CLTB: variants seen among roughly 807,000 people sequenced by gnomAD.
The protein encoded by CLTB is clathrin, light chain (Lcb).
A neutral mutation model predicts 30.5 loss-of-function variants in CLTB; 10 were observed. That is an observed-to-expected ratio of 0.33 (90% CI 0.20 to 0.56). The LOEUF (loss-of-function observed/expected upper bound fraction) is 0.56, where lower values mean the gene tolerates loss of function less well. Ranked by LOEUF, CLTB falls within the 20% of genes least tolerant of loss-of-function variation. CLTB has a pLI of 0.91. For synonymous variants in CLTB, 102 were observed against 120.3 expected (o/e 0.85, Z 1.00); for missense variants, 261 against 308.3 (o/e 0.85, Z 1.15).
chr5:176,402,025 G>A (rs953921480), intron 2 of CLTB, among the ~76,000 whole-genome samples: 2 of 152,158 alleles, frequency 1.3e-5, no homozygotes, highest in Admixed American at 6.5e-5. Flanking sequence ...AAAGGCAGCC[G>A]GGCACGGTGG....
At chr5:176,403,049 A>AT (rs34807992) in intron 2 of CLTB, among the ~76,000 whole-genome samples, 31,646 of 138,000 alleles carry the variant, frequency 0.23, 4,206 homozygotes, top group African/African-American at 0.34. Flanking sequence ...GCCTGCCCTA[A>AT]TTTTTTTTTT....
chr5:176,410,401 C>A, intron 1 of CLTB, 98 bp from the exon 2 acceptor site: 1 of 920,244 alleles, frequency 1.1e-6, no homozygotes, highest in South Asian at 1.5e-5. Context: ...TCTGTGTATA[C>A]CCATGTATAT....
chr5:176,416,450 A>C lies in CLTB; in HGVS notation c.-87T>G, dbSNP rs905808152. 1.0e-5 allele frequency: 11 copies of C among 1,062,164 alleles called. No homozygotes were observed. Among genetic ancestry groups the C allele is most frequent in the African/African-American group, 8.7e-5 (2 of 22,870 alleles). 65.8% of individuals were successfully genotyped at this position (1,062,164 alleles called of 1,614,324 possible). A position where few individuals can be genotyped will look rare whatever the true frequency, so the allele number is the denominator to read the frequency against. ...TGCGTCCGGCGGCCGCGACGCTGTC[A>C]CCCGAGCCGCGGGGGAGCCGGCGTC... On this transcript the variant is annotated 5_prime_UTR_variant, in exon 1 of 6. Coordinates refer to ENST00000310418, the MANE Select transcript of CLTB (RefSeq NM_007097.5).
chr5:176,396,562 G>T, intron 4 of CLTB, 30 bp from the exon 5 acceptor site: 1 of 1,581,730 alleles, frequency 6.3e-7, no homozygotes. Context: ...GAAGGGGTTA[G>T]GTGGGGGAAG....
chr5:176,394,921 C>T (rs1756446390), intron 5 of CLTB, among the ~76,000 whole-genome samples: 1 of 152,312 alleles, frequency 6.6e-6, no homozygotes, highest in African/African-American at 2.4e-5. Context: ...ATCGAGCCCC[C>T]TGTGGTATTC....
At chr5:176,395,561 C>T (rs1161898484) in intron 5 of CLTB, among the ~76,000 whole-genome samples, 5 of 152,216 alleles carry the variant, frequency 3.3e-5, no homozygotes, top group African/African-American at 1.2e-4. Context: ...ACCTTCTCTT[C>T]AGCTCCACAA....
intron 2 of CLTB, among the ~76,000 whole-genome samples, chr5:176,400,808 C>T (rs1454053170): frequency 6.6e-6 from 1 of 152,210 alleles, no homozygotes; most frequent in African/African-American, 2.4e-5. Context: ...CGGCGCCCAC[C>T]TATCCTTAGT....
chr5:176,408,369 TACTAA>T (rs1757243695), intron 2 of CLTB, among the ~76,000 whole-genome samples: 1 of 151,910 alleles, frequency 6.6e-6, no homozygotes, highest in Non-Finnish European at 1.5e-5. Context: ...ACACCATCTC[TACTAA>T]AAATACAAAA....
chr5:176,394,252 G>A (rs1215121774), intron 5 of CLTB, among the ~76,000 whole-genome samples: 4 of 152,192 alleles, frequency 2.6e-5, no homozygotes, highest in South Asian at 4.1e-4. Context: ...AGCTCAAAGC[G>A]TCCATGGTCC....
chr5:176,415,228 C>T (rs1393010362), intron 1 of CLTB, among the ~76,000 whole-genome samples: 1 of 152,198 alleles, frequency 6.6e-6, no homozygotes, highest in Non-Finnish European at 1.5e-5. Context: ...CCCCGGACCA[C>T]CTTTGGAAAA....
intron 2 of CLTB, chr5:176,406,063 G>T: frequency 1.3e-6 from 1 of 744,124 alleles, no homozygotes; most frequent in Non-Finnish European, 1.6e-6. Context: ...CATTATTTCC[G>T]GGCTGCTCAG....
chr5:176,396,412 A>G, intron 5 of CLTB, 67 bp downstream of exon 5: 1 of 1,349,418 alleles, frequency 7.4e-7, no homozygotes. Context: ...CAAGCAGGAA[A>G]CTCAAGAAAC....
At chr5:176,409,111 G>A (rs1223096735) in intron 2 of CLTB, among the ~76,000 whole-genome samples, 1 of 152,000 alleles carries the variant, frequency 6.6e-6, no homozygotes, top group Non-Finnish European at 1.5e-5. Context: ...CAAGTAGTTA[G>A]GATTATAGGC....
rs1439606470 is a variant in CLTB at position 176,416,287 on chromosome 5, G to A, written c.77C>T (p.Ala26Val). 1 of 1,606,204 alleles carries A rather than the reference G, an allele frequency of 6.2e-7. No homozygotes were observed. The highest frequency in any genetic ancestry group is 1.1e-5 in the South Asian group (1 of 90,680). Residue 26 changes from alanine to valine, a missense_variant, in exon 1 of 6, where the codon GCC becomes GTC. By Grantham distance (64) the Ala-to-Val change is moderately conservative. Transcript: ENST00000310418. ...PEAAEEDPAA[A>V]FLAQQESEIA... ...CTCGCTCTCCTGCTGGGCCAGGAAG[G>A]CGGCCGCCGGGTCCTCCTCCGCCGC...
At position 176,392,789 on chromosome 5, in the gene CLTB, C is replaced by T. The variant is rs761220106; in HGVS notation, c.675G>A (p.Thr225=). 3.5e-5 allele frequency: 56 copies of T among 1,613,998 alleles called. No individual in the cohort carries two copies. Among genetic ancestry groups the T allele is most frequent in the Admixed American group, 2.0e-4 (12 of 60,012 alleles). The change falls in exon 6 of 6, where the codon ACG becomes ACA. Residue 225 remains threonine, a synonymous_variant. Transcript: ENST00000310418. The surrounding 1 kb of genome is among the most constrained non-coding windows in gnomAD (Gnocchi z 5.2). ...TAGCAGGCACCTAGCGGGACAGTGG[C>T]GTCTGCTTCAGGGACATGAGCACCG... ...LRSVLMSLKQ[T]PLSR
chr5:176,393,846 A>C lies in CLTB; in HGVS notation c.519-901T>G, dbSNP rs1561790039. ...GGGACTCACTAACAGAAAGACAATAAGGGATTCTTAGGTGAGGAGAGCTGG... is the reference window on the plus strand; with the variant it reads ...GGGACTCACTAACAGAAAGACAATACGGGATTCTTAGGTGAGGAGAGCTGG... On this transcript the variant is annotated intron_variant, in intron 5 of 5. Transcript: ENST00000310418. The surrounding 1 kb of genome is among the most constrained non-coding windows in gnomAD (Gnocchi z 4.4). Among the ~76,000 whole-genome samples, 1 of 152,204 alleles carries C rather than the reference A, an allele frequency of 6.6e-6. No homozygotes were observed. Among genetic ancestry groups the C allele is most frequent in the Non-Finnish European group, 1.5e-5 (1 of 68,038 alleles).
intron 2 of CLTB, among the ~76,000 whole-genome samples, chr5:176,399,386 C>G (rs1756701718): frequency 6.6e-6 from 1 of 152,208 alleles, no homozygotes; most frequent in African/African-American, 2.4e-5. Context: ...ACCTCTGATA[C>G]TATGAAATGT....
Position 176,398,695 on chromosome 5 carries a change from A to G in CLTB, c.235-648T>C, listed in dbSNP as rs1300781148. ...CCATTGCACTCCAGCCTGGGCAACA[A>G]GAGCAAAACCCCGTCTCAAAAAATA... is the stretch of plus-strand genomic sequence containing the variant. On this transcript the variant is annotated intron_variant, in intron 2 of 5. Transcript: ENST00000310418. Among the ~76,000 whole-genome samples the G allele has an allele frequency of 2.0e-5, 3 of 152,148 alleles. No homozygotes were observed. In the East Asian group the frequency reaches 5.8e-4, roughly 30 times the overall value.
chr5:176,395,778 G>T lies in CLTB; in HGVS notation c.518+701C>A, dbSNP rs73328142. ...AGGAGGAAGAGATGGATGTCACAAA[G>T]GAGCAGCTCTTGTCCTTTACATGCC... On this transcript the variant is annotated intron_variant, in intron 5 of 5. Coordinates refer to ENST00000310418, the MANE Select transcript of CLTB (RefSeq NM_007097.5). Among the ~76,000 whole-genome samples, 777 of 152,286 alleles carry T rather than the reference G, an allele frequency of 5.1e-3. 7 individuals carry two copies. Among genetic ancestry groups the T allele is most frequent in the African/African-American group, 0.018 (742 of 41,540 alleles).
Sources: gnomAD v4.1 joint callset for allele counts (sites outside exome capture counted in the v4.1 genomes callset) on GRCh38, gnomAD v4.1.1 for gene constraint, Gnocchi (gnomAD v3.1) non-coding constraint, MANE v1.5 for transcripts, NCBI Gene and HGNC (gene_info 2026-07-23, HGNC 2026-07-21) for gene names.